KCNIP1: variants seen among roughly 807,000 people sequenced by gnomAD.
The protein encoded by KCNIP1 is A-type potassium channel modulatory protein KCNIP1.
KCNIP1 carries 18 observed loss-of-function variants against 33.0 expected under a neutral mutation model. The ratio of observed to expected loss-of-function variants is 0.55; its 90% CI spans 0.38 to 0.81. KCNIP1 has a LOEUF of 0.81. Ranked by LOEUF, KCNIP1 falls within the 30% of genes least tolerant of loss-of-function variation. The probability of loss-of-function intolerance (pLI) is 0.00; values close to 1 mark genes in which losing one functional copy is unlikely to be tolerated. For synonymous variants in KCNIP1, 93 were observed against 98.3 expected (o/e 0.95, Z 0.32); for missense variants, 238 against 271.6 (o/e 0.88, Z 0.87).
intron 1 of KCNIP1, among the ~76,000 whole-genome samples, chr5:170,660,371 T>TAAA (rs61001714): frequency 7.3e-6 from 1 of 137,892 alleles, no homozygotes. Context: ...ATGATTTTTA[T>TAAA]AAAAAAAAAA....
chr5:170,356,413 C>T (rs1763349647), intron 1 of KCNIP1, among the ~76,000 whole-genome samples: 1 of 152,154 alleles, frequency 6.6e-6, no homozygotes, highest in Admixed American at 6.5e-5. Flanking sequence ...GGATCACCCT[C>T]CCTGTCCTGC....
intron 1 of KCNIP1, among the ~76,000 whole-genome samples, chr5:170,389,003 T>A (rs1035173264): frequency 3.3e-5 from 5 of 152,198 alleles, no homozygotes; most frequent in Non-Finnish European, 7.3e-5. Context: ...ATCTCCAGGC[T>A]GCAGCCTTCT....
intron 1 of KCNIP1, among the ~76,000 whole-genome samples, chr5:170,401,254 C>A (rs1247385530): frequency 6.6e-6 from 1 of 152,196 alleles, no homozygotes; most frequent in East Asian, 1.9e-4. Flanking sequence ...GCTTTTTAAT[C>A]CCCTTTTGTT....
At chr5:170,487,185 T>A (rs34636879) in intron 1 of KCNIP1, among the ~76,000 whole-genome samples, 23,871 of 152,136 alleles carry the variant, frequency 0.16, 2,129 homozygotes, top group Non-Finnish European at 0.2. Flanking sequence ...AGGGAAAAGT[T>A]GCAGGCAGAA....
At chr5:170,519,863 T>A (rs13172157) in intron 1 of KCNIP1, among the ~76,000 whole-genome samples, 38,513 of 151,922 alleles carry the variant, frequency 0.25, 5,117 homozygotes, top group East Asian at 0.45. Context: ...CTGTTGTCAT[T>A]TGTATTGTTG....
intron 1 of KCNIP1, among the ~76,000 whole-genome samples, chr5:170,451,771 T>TGTGTGTGTGTGTGTGTG (rs1554093584): frequency 1.2e-4 from 6 of 50,394 alleles, no homozygotes; most frequent in South Asian, 6.1e-4. Context: ...GTGTGTGTGT[T>TGTGTGTGTGTGTGTGTG]TGCAGGGGGA....
intron 1 of KCNIP1, among the ~76,000 whole-genome samples, chr5:170,599,863 A>G (rs4242159): frequency 2.0e-5 from 3 of 152,018 alleles, no homozygotes; most frequent in East Asian, 1.9e-4. Flanking sequence ...GAAAGAAAAT[A>G]TATTCTACAC....
chr5:170,631,243 A>G (rs924575518), intron 1 of KCNIP1, among the ~76,000 whole-genome samples: 4 of 152,128 alleles, frequency 2.6e-5, no homozygotes, highest in African/African-American at 9.7e-5. Context: ...TCATCTGTGA[A>G]ATGGGTGTTA....
intron 1 of KCNIP1, among the ~76,000 whole-genome samples, chr5:170,566,881 G>A (rs1372763649): frequency 6.6e-6 from 1 of 152,238 alleles, no homozygotes; most frequent in Non-Finnish European, 1.5e-5. Context: ...GAGGAATTAG[G>A]AAGAAGGAAG....
chr5:170,466,920 G>A (rs1370424398), intron 1 of KCNIP1, among the ~76,000 whole-genome samples: 1 of 152,194 alleles, frequency 6.6e-6, no homozygotes, highest in Admixed American at 6.5e-5. Context: ...AAGGATGAAT[G>A]AAAATCATAC....
At chr5:170,659,160 T>G (rs1761382585) in intron 1 of KCNIP1, among the ~76,000 whole-genome samples, 1 of 121,742 alleles carries the variant, frequency 8.2e-6, no homozygotes, top group South Asian at 2.6e-4. Flanking sequence ...TCTGATCACT[T>G]TTTTTTTTAA....
intron 1 of KCNIP1, among the ~76,000 whole-genome samples, chr5:170,675,342 A>G (rs1762091031): frequency 6.6e-6 from 1 of 151,978 alleles, no homozygotes; most frequent in Non-Finnish European, 1.5e-5. Flanking sequence ...ATAAATGGCC[A>G]GGTGCAGTAG....
chr5:170,586,251 C>T (rs80326807), intron 1 of KCNIP1, among the ~76,000 whole-genome samples: 13,202 of 152,272 alleles, frequency 0.087, 641 homozygotes, highest in South Asian at 0.12. Context: ...AAATGCATGA[C>T]TGGCCTCTGC....
At chr5:170,538,895 T>A (rs1007336712) in intron 1 of KCNIP1, among the ~76,000 whole-genome samples, 2 of 151,930 alleles carry the variant, frequency 1.3e-5, no homozygotes, top group African/African-American at 2.4e-5. Flanking sequence ...GGCCACTCCT[T>A]CTCAGCTAGC....
chr5:170,512,994 G>T (rs867118779), intron 1 of KCNIP1, among the ~76,000 whole-genome samples: 1 of 151,808 alleles, frequency 6.6e-6, no homozygotes, highest in Admixed American at 6.6e-5. Context: ...AGCTTGCAGT[G>T]AGCCGAGATC....
At chr5:170,379,270 A>G (rs1764142145) in intron 1 of KCNIP1, among the ~76,000 whole-genome samples, 1 of 151,894 alleles carries the variant, frequency 6.6e-6, no homozygotes, top group Non-Finnish European at 1.5e-5. Context: ...TTTTTGGCAA[A>G]TTTCTCACTC....
At chr5:170,461,188 A>G (rs917921725) in intron 1 of KCNIP1, among the ~76,000 whole-genome samples, 1 of 152,248 alleles carries the variant, frequency 6.6e-6, no homozygotes, top group African/African-American at 2.4e-5. Context: ...AACACATCCA[A>G]TGCTCATGTA....
chr5:170,523,293 T>G (rs553277915), intron 1 of KCNIP1, among the ~76,000 whole-genome samples: 3 of 152,200 alleles, frequency 2.0e-5, no homozygotes, highest in Non-Finnish European at 4.4e-5. Context: ...CAGAGCAGGC[T>G]GAGGGTGGCT....
chr5:170,733,793 A>C (rs1183021443), intron 6 of KCNIP1, 43 bp from the exon 7 acceptor site: 1 of 1,493,880 alleles, frequency 6.7e-7, no homozygotes, highest in Non-Finnish European at 9.3e-7. Context: ...TTTGGAATGG[A>C]GATCACCAGA....
Sources: gnomAD v4.1 joint callset for allele counts (sites outside exome capture counted in the v4.1 genomes callset) on GRCh38, gnomAD v4.1.1 for gene constraint, MANE v1.5 for transcripts, NCBI Gene and HGNC (gene_info 2026-07-23, HGNC 2026-07-21) for gene names.